HOMER2: variants seen among roughly 807,000 people sequenced by gnomAD.
HOMER2 encodes the protein homer scaffold protein 2, also known as homer protein homolog 2.
In HOMER2, 27 loss-of-function variants were observed where a neutral mutation model predicts 47.0. The observed-to-expected ratio is 0.57, with a 90% CI of 0.42 to 0.79. HOMER2 has a LOEUF of 0.79. HOMER2 is among the 30% of genes least tolerant of loss of function. The pLI is 0.00. For synonymous variants in HOMER2, 161 were observed against 163.8 expected, an observed-to-expected ratio of 0.98 and a Z score of 0.13; for missense variants, 443 against 435.0, an observed-to-expected ratio of 1.02 and a Z score of -0.16.
At chr15:82,873,899 A>G (rs2052259358) in intron 3 of HOMER2, among the ~76,000 whole-genome samples, 1 of 152,226 alleles carries the variant, frequency 6.6e-6, no homozygotes, top group African/African-American at 2.4e-5. Flanking sequence ...GTGTGCGTGC[A>G]CACATATATG....
chr15:82,950,536 C>T lies in HOMER2; in HGVS notation c.5+1995G>A, dbSNP rs562953444. 2.0e-5 allele frequency among the ~76,000 whole-genome samples: 3 copies of T among 152,290 alleles called. No individual in the cohort carries two copies. The East Asian group carries it at 5.8e-4, about 29-fold the overall frequency. ...TTGGTTCTATTTTCAGTTAAAACGG[C>T]TCCCTCCACCCTCCTGTCTGAATTG... On this transcript the variant is annotated intron_variant, in intron 1 of 8. Transcript: ENST00000450735.
At chr15:82,854,516 C>T in intron 6 of HOMER2, 128 bp downstream of exon 6, 2 of 886,304 alleles carry the variant, frequency 2.3e-6, no homozygotes, top group Non-Finnish European at 3.4e-6. Context: ...ATGGGAGAGG[C>T]AGCAAGTCTT....
chr15:82,930,877 T>C (rs1256672964), intron 1 of HOMER2, among the ~76,000 whole-genome samples: 2 of 151,934 alleles, frequency 1.3e-5, no homozygotes, highest in African/African-American at 2.4e-5. Flanking sequence ...AATACCAAAG[T>C]TAGTCGGGTG....
downstream of HOMER2, chr15:82,835,203 T>G (rs1187899855): frequency 6.6e-6 from 1 of 152,088 alleles, no homozygotes; most frequent in East Asian, 1.9e-4. Flanking sequence ...CTCAGCTCAC[T>G]GCAACCTCTG....
At chr15:82,856,676 A>C (rs2051598215) in intron 5 of HOMER2, among the ~76,000 whole-genome samples, 1 of 152,248 alleles carries the variant, frequency 6.6e-6, no homozygotes, top group African/African-American at 2.4e-5. Context: ...GTAAGAAAAG[A>C]GACTGGTCAC....
At chr15:82,976,965 C>T (rs1194928710) in intron 1 of HOMER2, among the ~76,000 whole-genome samples, 1 of 151,982 alleles carries the variant, frequency 6.6e-6, no homozygotes, top group African/African-American at 2.4e-5. Context: ...CGTGAGCTAC[C>T]GTGCCCAGCT....
chr15:82,878,517 A>C (rs1588546), intron 2 of HOMER2, among the ~76,000 whole-genome samples: 22,859 of 152,178 alleles, frequency 0.15, 2,334 homozygotes, highest in African/African-American at 0.28. Context: ...AGCTTCTTAA[A>C]TCTGTAGACT....
intron 1 of HOMER2, chr15:82,898,389 C>G (rs1056774889): frequency 6.6e-6 from 1 of 152,190 alleles, no homozygotes; most frequent in African/African-American, 2.4e-5. Context: ...ACAGAAATTA[C>G]CTTCATATCC....
At chr15:82,871,875 T>C (rs960760850) in intron 3 of HOMER2, among the ~76,000 whole-genome samples, 2 of 152,232 alleles carry the variant, frequency 1.3e-5, no homozygotes, top group Admixed American at 6.5e-5. Context: ...ATTCTTTTCA[T>C]AGAAACCTTC....
chr15:82,863,305 C>CA (rs2051855038), intron 4 of HOMER2, among the ~76,000 whole-genome samples: 1 of 152,206 alleles, frequency 6.6e-6, no homozygotes, highest in Non-Finnish European at 1.5e-5. Flanking sequence ...CCAACCCTCT[C>CA]AGGTGAAATC....
At chr15:82,952,084 GTTTA>G in intron 1 of HOMER2, 1 of 974,260 alleles carries the variant, frequency 1.0e-6, no homozygotes, top group Non-Finnish European at 1.2e-6. Flanking sequence ...TACGCTGGAG[GTTTA>G]TTATTATTTG....
At chr15:82,897,743 A>T (rs535066463) in intron 1 of HOMER2, among the ~76,000 whole-genome samples, 62 of 152,366 alleles carry the variant, frequency 4.1e-4, no homozygotes, top group African/African-American at 1.5e-3. Context: ...GACAGACAGG[A>T]ACTGAGGCCC....
chr15:82,863,636 G>T (rs567314320), intron 4 of HOMER2, among the ~76,000 whole-genome samples: 1 of 152,170 alleles, frequency 6.6e-6, no homozygotes, highest in African/African-American at 2.4e-5. Flanking sequence ...TCAGGAAAGT[G>T]GGTGTGTTGA....
chr15:82,944,491 C>T (rs1281198978), intron 1 of HOMER2, among the ~76,000 whole-genome samples: 1 of 152,226 alleles, frequency 6.6e-6, no homozygotes, highest in East Asian at 1.9e-4. Context: ...AAGTCTAACT[C>T]TCAAGATCTA....
rs563040973 is a variant in HOMER2 at position 82,916,660 on chromosome 15, G to A, written c.6-23819C>T. 9.3e-4 allele frequency among the ~76,000 whole-genome samples: 142 copies of A among 152,288 alleles called. 1 individual carries two copies. Among genetic ancestry groups the A allele is most frequent in the African/African-American group, 3.3e-3 (138 of 41,550 alleles). Reference sequence around the variant, plus strand: ...AAACACCAGGGTCGGCAGAGGGGGAGAGGTTAAGTACTCTCAAGAGCTTTA... The same window carrying A: ...AAACACCAGGGTCGGCAGAGGGGGAAAGGTTAAGTACTCTCAAGAGCTTTA... On this transcript the variant is annotated intron_variant, in intron 1 of 8. Coordinates refer to ENST00000450735, the MANE Select transcript of HOMER2 (RefSeq NM_004839.4).
At chr15:82,907,664 A>AGTCTGTCC (rs1228438559) in intron 1 of HOMER2, among the ~76,000 whole-genome samples, 1 of 152,216 alleles carries the variant, frequency 6.6e-6, no homozygotes, top group Non-Finnish European at 1.5e-5. Flanking sequence ...TTGATCCAAG[A>AGTCTGTCC]AGAGTAGATT....
intron 1 of HOMER2, among the ~76,000 whole-genome samples, chr15:82,933,946 G>A (rs950468205): frequency 6.6e-6 from 1 of 152,054 alleles, no homozygotes; most frequent in Admixed American, 6.5e-5. Context: ...GCAACACGCA[G>A]AGTTCTCCCT....
At chr15:82,858,248 GT>G (rs1353067910) in intron 5 of HOMER2, among the ~76,000 whole-genome samples, 1 of 151,748 alleles carries the variant, frequency 6.6e-6, no homozygotes, top group East Asian at 1.9e-4. Context: ...TATTTTAATA[GT>G]TTATGTTTTC....
At chr15:82,928,941 A>AAAAAAAAAAAAAAAAAAAAAAAC (rs2053931917) in intron 1 of HOMER2, among the ~76,000 whole-genome samples, 1 of 61,220 alleles carries the variant, frequency 1.6e-5, no homozygotes, top group Non-Finnish European at 3.3e-5. Flanking sequence ...AATAAAAACT[A>AAAAAAAAAAAAAAAAAAAAAAAC]AAAAAAAAAA....
Sources: allele counts gnomAD v4.1 joint callset (sites outside exome capture counted in the v4.1 genomes callset), GRCh38; gene constraint gnomAD v4.1.1; transcripts MANE v1.5; gene names NCBI Gene and HGNC (gene_info 2026-07-23, HGNC 2026-07-21).